DCDC2: variants seen among roughly 807,000 people sequenced by gnomAD.
DCDC2 encodes the protein doublecortin domain-containing protein 2.
In DCDC2, 40 loss-of-function variants were observed where a neutral mutation model predicts 50.2. The ratio of observed to expected loss-of-function variants is 0.80; its 90% CI spans 0.62 to 1.04. The LOEUF (loss-of-function observed/expected upper bound fraction) is 1.04. Ranked by LOEUF, DCDC2 falls within the 50% of genes least tolerant of loss-of-function variation. The pLI is 0.00. For missense variants in DCDC2, 570 were observed against 581.9 expected, an observed-to-expected ratio of 0.98 and a Z score of 0.21; for synonymous variants, 234 against 210.6, an observed-to-expected ratio of 1.11 and a Z score of -0.96.
In DCDC2 at chr6:24,272,993, T is replaced by C. The variant is rs201213783; in HGVS notation, c.922+5056A>G. Among the ~76,000 whole-genome samples the C allele has an allele frequency of 5.5e-5, 8 of 145,984 alleles. 1 individual carries two copies. The South Asian group carries it at 1.1e-3, about 20-fold the overall frequency. ...TCAATGGATAACTGGAAAAAGAAAA[T>C]GTGTGTATAAAGACATACACACACA... On this transcript the variant is annotated intron_variant, in intron 7 of 9. Coordinates refer to ENST00000378454, the MANE Select transcript of DCDC2 (RefSeq NM_016356.5).
intron 4 of DCDC2, 43 bp downstream of exon 4, chr6:24,301,672 A>G (rs1249806200): frequency 6.2e-7 from 1 of 1,605,846 alleles, no homozygotes; most frequent in Non-Finnish European, 8.5e-7. Context: ...AATATCTTCA[A>G]CAATTCAAAA....
At chr6:24,205,217 T>C in intron 7 of DCDC2, 115 bp from the exon 8 acceptor site, 1 of 1,610,338 alleles carries the variant, frequency 6.2e-7, no homozygotes, top group Admixed American at 1.7e-5. Context: ...CCCTTTTTAG[T>C]TGATAGTATT....
At chr6:24,299,312 G>T (rs933902728) in intron 4 of DCDC2, among the ~76,000 whole-genome samples, 5 of 152,104 alleles carry the variant, frequency 3.3e-5, no homozygotes, top group Non-Finnish European at 7.4e-5. Flanking sequence ...ATAAAAATAG[G>T]AACAGTAGAT....
intron 2 of DCDC2, among the ~76,000 whole-genome samples, chr6:24,334,950 C>T (rs759614193): frequency 3.3e-5 from 5 of 152,120 alleles, no homozygotes; most frequent in Admixed American, 1.3e-4. Context: ...CACAAGAGGG[C>T]GGCACAGCAA....
chr6:24,285,453 T>C (rs1348348767), intron 6 of DCDC2, among the ~76,000 whole-genome samples: 1 of 152,220 alleles, frequency 6.6e-6, no homozygotes, highest in East Asian at 1.9e-4. Context: ...AAGTATCCAT[T>C]GATTAATGGA....
chr6:24,180,583 C>T (rs982264570), intron 8 of DCDC2, among the ~76,000 whole-genome samples: 13 of 151,468 alleles, frequency 8.6e-5, no homozygotes, highest in African/African-American at 2.9e-4. Context: ...CCACCATGCC[C>T]GGCCCAGGGT....
chr6:24,348,736 C>T (rs1760311666), intron 2 of DCDC2, among the ~76,000 whole-genome samples: 1 of 152,152 alleles, frequency 6.6e-6, no homozygotes, highest in African/African-American at 2.4e-5. Context: ...CTGGCTGACC[C>T]ACAACCCTAA....
At chr6:24,359,533 T>TATATA (rs1760621618), upstream of DCDC2, among the ~76,000 whole-genome samples, 27 of 104,578 alleles carry the variant, frequency 2.6e-4, no homozygotes, top group African/African-American at 1.0e-3. Context: ...TTATATATAT[T>TATATA]TTTTATATAT....
At chr6:24,323,616 G>A (rs967871458) in intron 2 of DCDC2, among the ~76,000 whole-genome samples, 3 of 152,078 alleles carry the variant, frequency 2.0e-5, no homozygotes, top group Non-Finnish European at 4.4e-5. Context: ...AGACCTTAAT[G>A]CAAATAAAAG....
At position 24,307,371 on chromosome 6, in the gene DCDC2, A is replaced by C. The variant is rs181594580; in HGVS notation, c.349-5327T>G. Among the ~76,000 whole-genome samples the C allele has an allele frequency of 1.9e-3, 289 of 152,342 alleles. 1 individual carries two copies. Among genetic ancestry groups the C allele is most frequent in the African/African-American group, 6.1e-3 (254 of 41,578 alleles). The stretch of plus-strand genomic sequence containing the variant: ...TAAAAGCTCAATTTTCAATAACTTT[A>C]AAAAATACATATCAGATTTTTGTGA... On this transcript the variant is annotated intron_variant, in intron 2 of 9. Coordinates refer to ENST00000378454, the MANE Select transcript of DCDC2 (RefSeq NM_016356.5).
the DCDC2 span, among the ~76,000 whole-genome samples, chr6:24,383,267 G>A: frequency 2.0e-5 from 3 of 151,444 alleles, no homozygotes; most frequent in Admixed American, 1.3e-4. Context: ...CAGAGGTTGC[G>A]GTGAGCCAAG....
rs540952760 is a variant in DCDC2, at chr6:24,240,455, C to T, written c.923-35353G>A. Among the ~76,000 whole-genome samples the T allele has an allele frequency of 5.3e-5, 8 of 152,230 alleles. No homozygotes were observed. The South Asian group carries it at 1.7e-3, about 32-fold the overall frequency. On this transcript the variant is annotated intron_variant, in intron 7 of 9. Coordinates refer to ENST00000378454, the MANE Select transcript of DCDC2 (RefSeq NM_016356.5). The stretch of plus-strand genomic sequence containing the variant: ...TTGAAATTGGTAGACTATTACAAAA[C>T]ATTTGGTCAACAAGGTAAGAATAGG...
chr6:24,250,357 C>T (rs1209215296), intron 7 of DCDC2, among the ~76,000 whole-genome samples: 1 of 152,182 alleles, frequency 6.6e-6, no homozygotes, highest in African/African-American at 2.4e-5. Context: ...CTGTCATAGG[C>T]TCTCATCTGT....
intron 7 of DCDC2, among the ~76,000 whole-genome samples, chr6:24,275,518 A>C (rs771194751): frequency 1.7e-4 from 26 of 152,232 alleles, no homozygotes; most frequent in Admixed American, 6.5e-4. Flanking sequence ...CTTCTAGATC[A>C]GTGGTACAAG....
At chr6:24,204,724 C>G (rs9358758) in intron 8 of DCDC2, among the ~76,000 whole-genome samples, 1 of 152,108 alleles carries the variant, frequency 6.6e-6, no homozygotes, top group Non-Finnish European at 1.5e-5. Context: ...ATCACTTTAT[C>G]TCATACCTAA....
chr6:24,218,847 C>T (rs1428089850), intron 7 of DCDC2, among the ~76,000 whole-genome samples: 2 of 152,146 alleles, frequency 1.3e-5, no homozygotes, highest in South Asian at 4.1e-4. Flanking sequence ...AGAAAATATT[C>T]CTCTCAAGCA....
At chr6:24,233,521 G>C (rs1179071849) in intron 7 of DCDC2, among the ~76,000 whole-genome samples, 1 of 152,110 alleles carries the variant, frequency 6.6e-6, no homozygotes, top group African/African-American at 2.4e-5. Context: ...AAATATCACA[G>C]AGTAGTCAAT....
At chr6:24,199,944 C>T (rs995161107) in intron 8 of DCDC2, among the ~76,000 whole-genome samples, 7 of 151,952 alleles carry the variant, frequency 4.6e-5, no homozygotes, top group East Asian at 1.9e-4. Context: ...TGAAATAAAG[C>T]GTGAAGACAA....
the DCDC2 span, among the ~76,000 whole-genome samples, chr6:24,381,337 A>T: frequency 6.6e-6 from 1 of 152,186 alleles, no homozygotes; most frequent in African/African-American, 2.4e-5. Flanking sequence ...AGATCCCCAG[A>T]ACTCACTCAT....
Sources: allele counts gnomAD v4.1 joint callset (sites outside exome capture counted in the v4.1 genomes callset), GRCh38; gene constraint gnomAD v4.1.1; transcripts MANE v1.5; gene names NCBI Gene and HGNC (gene_info 2026-07-23, HGNC 2026-07-21).